The following LARGE1 variants were observed in gnomAD, a reference collection of about 807,000 sequenced individuals.
LARGE1 encodes LARGE xylosyl- and glucuronyltransferase 1.
LARGE1 carries 43 observed loss-of-function variants against 87.6 expected under a neutral mutation model. The observed-to-expected ratio is 0.49, with a 90% CI of 0.38 to 0.63. LARGE1 has a LOEUF of 0.63. Ranked by LOEUF, LARGE1 falls within the 30% of genes least tolerant of loss-of-function variation. The probability of loss-of-function intolerance (pLI) is 0.00; values close to 1 mark genes in which losing one functional copy is unlikely to be tolerated. For missense variants in LARGE1, 802 were observed against 1,000.2 expected, an observed-to-expected ratio of 0.80 and a Z score of 2.67; for synonymous variants, 434 against 394.6, an observed-to-expected ratio of 1.10 and a Z score of -1.18.
rs548873466 is a variant in LARGE1, at chr22:33,581,326, C to T, written c.616-16307G>A. ...GGAATTAAGAGACTGTGAAGCATCA[C>T]GTACTGTTCTCAGCAAGAAAATTCA... On this transcript the variant is annotated intron_variant, in intron 5 of 14. Transcript: ENST00000397394. Among the ~76,000 whole-genome samples the T allele has an allele frequency of 2.6e-4, 39 of 152,262 alleles. No homozygotes were observed. In the South Asian group the frequency reaches 6.0e-3, roughly 23 times the overall value.
chr22:33,824,814 C>A (rs879726398), intron 1 of LARGE1, among the ~76,000 whole-genome samples: 3 of 152,120 alleles, frequency 2.0e-5, no homozygotes, highest in Non-Finnish European at 2.9e-5. Flanking sequence ...AAGAGAAGTA[C>A]TGGTACACGA....
chr22:33,306,143 C>A (rs760500125), intron 11 of LARGE1, among the ~76,000 whole-genome samples: 1 of 152,210 alleles, frequency 6.6e-6, no homozygotes, highest in Middle Eastern at 3.4e-3. Context: ...CGCGCCTGGC[C>A]GACCAGAGCC....
chr22:33,505,617 T>G (rs2070723153), intron 6 of LARGE1, among the ~76,000 whole-genome samples: 1 of 152,148 alleles, frequency 6.6e-6, no homozygotes, highest in Non-Finnish European at 1.5e-5. Context: ...GGGCTGAATA[T>G]GAAGAACTTT....
chr22:33,445,506 G>A (rs1022954038), intron 6 of LARGE1, among the ~76,000 whole-genome samples: 2 of 152,004 alleles, frequency 1.3e-5, no homozygotes, highest in African/African-American at 4.8e-5. Context: ...CCTCAGAGCA[G>A]GAAGCTTGAC....
intron 4 of LARGE1, among the ~76,000 whole-genome samples, chr22:33,609,214 G>A (rs1209766839): frequency 6.6e-6 from 1 of 152,312 alleles, no homozygotes; most frequent in Admixed American, 6.5e-5. Flanking sequence ...GTCAGAGGAA[G>A]ACAGAATACA....
chr22:33,288,386 G>A (rs1931925626), intron 12 of LARGE1, among the ~76,000 whole-genome samples: 1 of 152,160 alleles, frequency 6.6e-6, no homozygotes, highest in South Asian at 2.1e-4. Context: ...CTGCTGGCCT[G>A]CTCTGTCAAT....
intron 7 of LARGE1, among the ~76,000 whole-genome samples, chr22:33,406,897 A>T: frequency 6.6e-6 from 1 of 151,972 alleles, no homozygotes; most frequent in Non-Finnish European, 1.5e-5. Flanking sequence ...GGTTCAGGCG[A>T]TTCTCCTGCT....
Position 33,272,685 on chromosome 22 carries a change from T to C in LARGE1, c.*1742A>G, listed in dbSNP as rs2145787342. Among the ~76,000 whole-genome samples the C allele has an allele frequency of 6.6e-6, 1 of 152,338 alleles. No individual in the cohort carries two copies. Among genetic ancestry groups the C allele is most frequent in the Non-Finnish European group, 1.5e-5 (1 of 68,036 alleles). Reference sequence around the variant, plus strand: ...GTAATTTTCCTAATTCTTGTATAAATTTCCGTGTAACATCCACTTGAGCAT... The same window carrying C: ...GTAATTTTCCTAATTCTTGTATAAACTTCCGTGTAACATCCACTTGAGCAT... On this transcript the variant is annotated 3_prime_UTR_variant, in exon 15 of 15. Transcript: ENST00000397394.
intron 2 of LARGE1, among the ~76,000 whole-genome samples, chr22:33,659,053 T>C (rs1011064081): frequency 1.1e-4 from 16 of 152,222 alleles, no homozygotes; most frequent in Admixed American, 9.2e-4. Flanking sequence ...GCATAGGGCC[T>C]GCTTTGCTCC....
At chr22:33,643,965 C>A (rs184925570) in intron 3 of LARGE1, among the ~76,000 whole-genome samples, 1 of 152,290 alleles carries the variant, frequency 6.6e-6, no homozygotes, top group Non-Finnish European at 1.5e-5. Context: ...GGATTCACAG[C>A]CAAATCTTAC....
At chr22:33,396,209 A>AT in intron 7 of LARGE1, among the ~76,000 whole-genome samples, 1 of 152,368 alleles carries the variant, frequency 6.6e-6, no homozygotes, top group East Asian at 1.9e-4. Flanking sequence ...AGAAATGCTG[A>AT]TAAAAATCAC....
chr22:33,177,106 A>G (rs1284819661), intron 11 of LARGE1, among the ~76,000 whole-genome samples: 1 of 152,176 alleles, frequency 6.6e-6, no homozygotes, highest in Non-Finnish European at 1.5e-5. Context: ...GAGTTGAACA[A>G]TGAGAACACA....
At chr22:33,699,439 A>G (rs1399873470) in intron 2 of LARGE1, among the ~76,000 whole-genome samples, 5 of 152,236 alleles carry the variant, frequency 3.3e-5, no homozygotes, top group African/African-American at 1.2e-4. Flanking sequence ...CTAGAAGCAG[A>G]GCCAGGAGGA....
At chr22:33,283,143 T>C in intron 13 of LARGE1, 59 bp downstream of exon 13, 1 of 1,608,164 alleles carries the variant, frequency 6.2e-7, no homozygotes, top group Non-Finnish European at 8.5e-7. Context: ...GCATCTGGGT[T>C]TCCCAGGAGA....
chr22:33,878,125 A>ATTTTTTTTTTT (rs1601836110), intron 1 of LARGE1, among the ~76,000 whole-genome samples: 4 of 51,236 alleles, frequency 7.8e-5, no homozygotes, highest in Non-Finnish European at 1.2e-4. Context: ...TTTATATTGT[A>ATTTTTTTTTTT]TTTCTTTTTT....
chr22:33,606,786 C>A (rs1211466850), intron 4 of LARGE1, among the ~76,000 whole-genome samples: 2 of 152,170 alleles, frequency 1.3e-5, no homozygotes, highest in Non-Finnish European at 2.9e-5. Context: ...CTTGCCCACC[C>A]TGCACCTCCA....
intron 11 of LARGE1, among the ~76,000 whole-genome samples, chr22:33,204,272 G>A (rs1924574872): frequency 6.6e-6 from 1 of 152,088 alleles, no homozygotes; most frequent in African/African-American, 2.4e-5. Flanking sequence ...CACCACCAGA[G>A]AAAGAGCTAT....
chr22:33,391,218 T>G (rs1359883860), intron 7 of LARGE1, among the ~76,000 whole-genome samples: 1 of 152,118 alleles, frequency 6.6e-6, no homozygotes, highest in Non-Finnish European at 1.5e-5. Context: ...CATTTCAAAA[T>G]TTTTTTATTT....
At chr22:33,816,502 T>C (rs1004372464) in intron 1 of LARGE1, among the ~76,000 whole-genome samples, 1 of 152,108 alleles carries the variant, frequency 6.6e-6, no homozygotes, top group Non-Finnish European at 1.5e-5. Flanking sequence ...ATCCCACTCA[T>C]GTAGGCTCCA....
Sources: gnomAD v4.1 joint callset for allele counts (sites outside exome capture counted in the v4.1 genomes callset) on GRCh38, gnomAD v4.1.1 for gene constraint, MANE v1.5 for transcripts, NCBI Gene and HGNC (gene_info 2026-07-23, HGNC 2026-07-21) for gene names.